The following USP25 variants were observed in gnomAD, a reference collection of about 807,000 sequenced individuals.
USP25 encodes ubiquitin specific peptidase 25.
In USP25, 85 loss-of-function variants were observed where a neutral mutation model predicts 158.5. The ratio of observed to expected loss-of-function variants is 0.54; its 90% CI spans 0.45 to 0.64. USP25 has a LOEUF of 0.64. Ranked by LOEUF, USP25 falls within the 30% of genes least tolerant of loss-of-function variation. The probability of loss-of-function intolerance (pLI) is 0.00; values close to 1 mark genes in which losing one functional copy is unlikely to be tolerated. For missense variants in USP25, 1,242 were observed against 1,327.3 expected, an observed-to-expected ratio of 0.94 and a Z score of 1.00; for synonymous variants, 464 against 460.4, an observed-to-expected ratio of 1.01 and a Z score of -0.10.
chr21:15,836,432 AG>A (rs2038066706), intron 17 of USP25, among the ~76,000 whole-genome samples: 1 of 152,244 alleles, frequency 6.6e-6, no homozygotes, highest in Non-Finnish European at 1.5e-5. Flanking sequence ...CTGCTTCCCT[AG>A]ATCTGCTTAC....
chr21:15,814,871 T>C (rs1232983915), intron 9 of USP25, among the ~76,000 whole-genome samples: 1 of 152,086 alleles, frequency 6.6e-6, no homozygotes, highest in African/African-American at 2.4e-5. Flanking sequence ...GCTGCAGAAA[T>C]TTGTGTTAAG....
chr21:15,827,066 A>G lies in USP25; in HGVS notation c.1556A>G (p.His519Arg). ...VAAISSRSVI[H>R]KPFTQSRIPP... is the part of the protein sequence containing the mutation. ...GCCATTTCATCGAGATCAGTAATACACAAACCATTTACTCAGTCCCGGATA... is the reference window on the plus strand; with the variant it reads ...GCCATTTCATCGAGATCAGTAATACGCAAACCATTTACTCAGTCCCGGATA... The change falls in exon 14 of 26, where the codon CAC becomes CGC. Residue 519 changes from histidine to arginine, a missense_variant. Transcript: ENST00000400183. 6.2e-7 allele frequency: 1 copy of G among 1,614,228 alleles called. No individual in the cohort carries two copies. The highest frequency in any genetic ancestry group is 8.5e-7 in the Non-Finnish European group (1 of 1,180,044).
intron 4 of USP25, among the ~76,000 whole-genome samples, chr21:15,779,323 AAAC>A (rs1297763452): frequency 6.6e-6 from 1 of 152,050 alleles, no homozygotes; most frequent in African/African-American, 2.4e-5. Context: ...AATAATTATG[AAAC>A]AACAATACTT....
At chr21:15,786,398 G>A (rs1026382629) in intron 4 of USP25, among the ~76,000 whole-genome samples, 2 of 152,078 alleles carry the variant, frequency 1.3e-5, no homozygotes, top group African/African-American at 4.8e-5. Context: ...ATTCTAGCAC[G>A]TCCGATTCAA....
chr21:15,772,743 A>G (rs908695402), intron 3 of USP25, among the ~76,000 whole-genome samples: 1 of 152,228 alleles, frequency 6.6e-6, no homozygotes, highest in Non-Finnish European at 1.5e-5. Context: ...AAAAGAATAA[A>G]TTGGGTTTAA....
intron 2 of USP25, among the ~76,000 whole-genome samples, chr21:15,765,020 C>T (rs79116136): frequency 0.024 from 3,605 of 152,102 alleles, 134 homozygotes; most frequent in African/African-American, 0.082. Context: ...TTTCTCTCCT[C>T]TAGTCTATTC....
At chr21:15,786,286 T>C (rs1009723780) in intron 4 of USP25, among the ~76,000 whole-genome samples, 3 of 152,188 alleles carry the variant, frequency 2.0e-5, no homozygotes, top group South Asian at 4.1e-4. Context: ...AAACTCATTT[T>C]ATGAGGCCAG....
At chr21:15,786,559 T>G (rs2035287098) in intron 4 of USP25, among the ~76,000 whole-genome samples, 1 of 152,202 alleles carries the variant, frequency 6.6e-6, no homozygotes, top group South Asian at 2.1e-4. Flanking sequence ...AAAAGCACAT[T>G]ACAAAGTTTA....
At chr21:15,812,804 A>C (rs1236218051) in intron 9 of USP25, among the ~76,000 whole-genome samples, 2 of 152,208 alleles carry the variant, frequency 1.3e-5, no homozygotes, top group East Asian at 3.8e-4. Context: ...TTTATTTCAG[A>C]GTACTTTCTT....
intron 1 of USP25, among the ~76,000 whole-genome samples, chr21:15,753,588 C>T (rs1345618475): frequency 6.6e-6 from 1 of 151,724 alleles, no homozygotes; most frequent in Non-Finnish European, 1.5e-5. Flanking sequence ...AGAAAGTTTG[C>T]TTAGTAAGTG....
rs190228278 is a variant in USP25, at chr21:15,878,842, T to C, written c.*367T>C. The C allele has an allele frequency of 6.0e-6, 1 of 167,808 alleles. No homozygotes were observed. Among genetic ancestry groups the C allele is most frequent in the East Asian group, 1.7e-4 (1 of 5,942 alleles). 10.4% of individuals were successfully genotyped at this position (167,808 alleles called of 1,614,324 possible). A position where few individuals can be genotyped will look rare whatever the true frequency, so the allele number is the denominator to read the frequency against. On this transcript the variant is annotated 3_prime_UTR_variant, in exon 26 of 26. Transcript: ENST00000400183. ...CTACAGCCATTTAAGTGTTCAGCAC[T>C]GTGTACGATACATAATATTTGGTAG...
chr21:15,824,906 G>T (rs2037423623), intron 11 of USP25, 60 bp from the exon 12 acceptor site: 1 of 1,380,724 alleles, frequency 7.2e-7, no homozygotes, highest in Non-Finnish European at 1.0e-6. Flanking sequence ...CTGGCATCTG[G>T]CCATATTGCA....
chr21:15,836,878 CTGT>C (rs1287550070), intron 17 of USP25, among the ~76,000 whole-genome samples: 1 of 144,256 alleles, frequency 6.9e-6, no homozygotes, highest in African/African-American at 2.6e-5. Context: ...TACCTGAATA[CTGT>C]TGTTGAGATT....
chr21:15,825,271 A>G (rs2037446165), intron 12 of USP25, among the ~76,000 whole-genome samples: 1 of 152,214 alleles, frequency 6.6e-6, no homozygotes, highest in South Asian at 2.1e-4. Context: ...CTCATTGTCA[A>G]CAGGTAATGT....
At chr21:15,866,986 A>G (rs1435863504) in intron 22 of USP25, among the ~76,000 whole-genome samples, 1 of 152,056 alleles carries the variant, frequency 6.6e-6, no homozygotes, top group East Asian at 1.9e-4. Context: ...CATCAGATAT[A>G]TTTTGGGGAA....
intron 4 of USP25, among the ~76,000 whole-genome samples, chr21:15,786,557 A>G (rs9983458): frequency 0.24 from 36,407 of 152,094 alleles, 6,020 homozygotes; most frequent in African/African-American, 0.48. Flanking sequence ...AAAAAAGCAC[A>G]TTACAAAGTT....
chr21:15,805,380 TG>T, intron 7 of USP25, 122 bp downstream of exon 7: 1 of 1,004,726 alleles, frequency 1.0e-6, no homozygotes. Context: ...AAAAATAACC[TG>T]GAACCATTTA....
Position 15,808,367 on chromosome 21 carries a change from G to A in USP25, c.781-442G>A, listed in dbSNP as rs201904732. On this transcript the variant is annotated intron_variant, in intron 7 of 25. Coordinates refer to ENST00000400183, the MANE Select transcript of USP25 (RefSeq NM_001283041.3). The stretch of plus-strand genomic sequence containing the variant: ...GTGTGTGTAAGTTGAATTAAGAAAA[G>A]TGAATTGTGGAAAGAGACTAGTCTT... Among the ~76,000 whole-genome samples the A allele has an allele frequency of 6.9e-3, 859 of 124,726 alleles. 25 individuals are homozygous for A. In the East Asian group the frequency reaches 0.12, roughly 18 times the overall value. 81.8% of individuals were successfully genotyped at this position (124,726 alleles called of 152,430 possible).
chr21:15,847,263 A>G (rs1020968227), intron 18 of USP25, among the ~76,000 whole-genome samples: 2 of 152,206 alleles, frequency 1.3e-5, no homozygotes, highest in African/African-American at 4.8e-5. Flanking sequence ...TGTCAGCTAT[A>G]CAGACAATAA....
Sources: gnomAD v4.1 joint callset for allele counts (sites outside exome capture counted in the v4.1 genomes callset) on GRCh38, gnomAD v4.1.1 for gene constraint, MANE v1.5 for transcripts, NCBI Gene and HGNC (gene_info 2026-07-23, HGNC 2026-07-21) for gene names.